AGPAT3: variants seen among roughly 807,000 people sequenced by gnomAD.
AGPAT3 encodes 1-acylglycerol-3-phosphate O-acyltransferase 3.
A neutral mutation model predicts 47.3 loss-of-function variants in AGPAT3; 5 were observed. That is an observed-to-expected ratio of 0.11 (90% CI 0.06 to 0.22). The LOEUF (loss-of-function observed/expected upper bound fraction) is 0.22. AGPAT3 is among the 10% of genes least tolerant of loss of function. The pLI, the probability that AGPAT3 is intolerant of heterozygous loss-of-function variation, is 1.00. For missense variants in AGPAT3, 315 were observed against 493.0 expected (o/e 0.64, Z 3.42); for synonymous variants, 212 against 208.3 (o/e 1.02, Z -0.15).
intron 1 of AGPAT3, among the ~76,000 whole-genome samples, chr21:43,900,726 TG>T (rs1388265138): frequency 2.0e-5 from 3 of 151,858 alleles, no homozygotes; most frequent in Admixed American, 2.0e-4. Flanking sequence ...GTTCACAGGG[TG>T]GGGTGAATCT....
intron 2 of AGPAT3, among the ~76,000 whole-genome samples, chr21:43,945,215 C>T (rs2087831607): frequency 1.3e-5 from 2 of 152,142 alleles, no homozygotes; most frequent in South Asian, 4.1e-4. Flanking sequence ...AAAAAGCCTG[C>T]GATTTGGCCT....
At chr21:43,910,110 G>A (rs1458766263) in intron 2 of AGPAT3, among the ~76,000 whole-genome samples, 1 of 152,224 alleles carries the variant, frequency 6.6e-6, no homozygotes, top group African/African-American at 2.4e-5. Context: ...CTCAAGGAAG[G>A]GGAGCCTGCA....
At chr21:43,928,620 G>A (rs186176754) in intron 2 of AGPAT3, among the ~76,000 whole-genome samples, 132 of 152,330 alleles carry the variant, frequency 8.7e-4, no homozygotes, top group Non-Finnish European at 1.4e-3. Flanking sequence ...TGATACATGC[G>A]CATTTTAGTA....
Position 43,866,127 on chromosome 21 carries a change from T to G in AGPAT3, c.-112+782T>G, listed in dbSNP as rs537657878. On this transcript the variant is annotated intron_variant, in intron 1 of 9. Coordinates refer to ENST00000291572, the MANE Select transcript of AGPAT3 (RefSeq NM_020132.5). ...AGTTAAAAATGGTGCAGTGTTTTTT[T>G]TTTTTTTTTTAACTTTGAGAGAAGT... Among the ~76,000 whole-genome samples, 488 of 151,278 alleles carry G rather than the reference T, an allele frequency of 3.2e-3. 1 individual carries two copies. The highest frequency in any genetic ancestry group is 6.1e-3 in the Non-Finnish European group (410 of 67,690).
At chr21:43,968,364 G>T in intron 4 of AGPAT3, among the ~76,000 whole-genome samples, 1 of 151,172 alleles carries the variant, frequency 6.6e-6, no homozygotes, top group African/African-American at 2.4e-5. Flanking sequence ...CCTTCCAGGG[G>T]AGGTGCTGGG....
chr21:43,975,105 T>C (rs2089556858), intron 7 of AGPAT3, among the ~76,000 whole-genome samples: 2 of 151,906 alleles, frequency 1.3e-5, no homozygotes. Context: ...CATGTGCCAG[T>C]GTGTGCACTG....
chr21:43,896,095 G>T (rs865817168), intron 1 of AGPAT3, among the ~76,000 whole-genome samples: 3 of 152,142 alleles, frequency 2.0e-5, no homozygotes, highest in Middle Eastern at 3.4e-3. Context: ...GTAGAGATGG[G>T]GTTTCACCAT....
intron 1 of AGPAT3, among the ~76,000 whole-genome samples, chr21:43,890,159 T>G (rs1419417880): frequency 6.6e-6 from 1 of 152,184 alleles, no homozygotes; most frequent in Non-Finnish European, 1.5e-5. Flanking sequence ...TCTCATAGTT[T>G]AACACCGTCC....
At chr21:43,898,341 A>G (rs1192970760) in intron 1 of AGPAT3, among the ~76,000 whole-genome samples, 1 of 151,224 alleles carries the variant, frequency 6.6e-6, no homozygotes, top group East Asian at 1.9e-4. Flanking sequence ...TGATCCTTTC[A>G]TTTTCTGCCC....
intron 1 of AGPAT3, among the ~76,000 whole-genome samples, chr21:43,881,989 A>G (rs1344057384): frequency 6.6e-6 from 1 of 152,220 alleles, no homozygotes; most frequent in Non-Finnish European, 1.5e-5. Context: ...ATTTCTTTTT[A>G]CTTTTGAATG....
chr21:43,976,278 G>C (rs981117318), intron 7 of AGPAT3, among the ~76,000 whole-genome samples: 3 of 152,086 alleles, frequency 2.0e-5, no homozygotes, highest in Non-Finnish European at 4.4e-5. Flanking sequence ...TGTTGGTCAG[G>C]CTGGTCTCGA....
At chr21:43,885,280 G>A (rs1275526563) in intron 1 of AGPAT3, among the ~76,000 whole-genome samples, 2 of 152,370 alleles carry the variant, frequency 1.3e-5, no homozygotes, top group East Asian at 3.9e-4. Context: ...TGATGCAGAC[G>A]CGGAGACTCA....
chr21:43,963,007 A>C (rs1411948578), intron 3 of AGPAT3, among the ~76,000 whole-genome samples: 1 of 152,200 alleles, frequency 6.6e-6, no homozygotes, highest in Non-Finnish European at 1.5e-5. Context: ...AGATACAGTT[A>C]ATGAGAATGG....
chr21:43,978,287 G>A (rs1014220562), intron 8 of AGPAT3, among the ~76,000 whole-genome samples, 166 bp downstream of exon 8: 1 of 152,090 alleles, frequency 6.6e-6, no homozygotes, highest in African/African-American at 2.4e-5. Flanking sequence ...CTGTTGTTTT[G>A]TTTTGTTTTT....
chr21:43,944,776 GA>G (rs1244755640), intron 2 of AGPAT3, among the ~76,000 whole-genome samples: 3 of 152,226 alleles, frequency 2.0e-5, no homozygotes, highest in African/African-American at 7.2e-5. Flanking sequence ...AGCCCAGGAG[GA>G]GGTCAATACA....
intron 1 of AGPAT3, among the ~76,000 whole-genome samples, chr21:43,866,094 T>G (rs1228957995): frequency 1.3e-5 from 2 of 150,244 alleles, no homozygotes; most frequent in Admixed American, 1.3e-4. Context: ...TTATTAGTAT[T>G]TGAAGGCAGT....
At chr21:43,959,894 G>A (rs1353129904) in intron 3 of AGPAT3, 35 bp downstream of exon 3, 1 of 1,568,794 alleles carries the variant, frequency 6.4e-7, no homozygotes, top group East Asian at 2.3e-5. Context: ...TGCCGCCTGG[G>A]GCTCCCGTGG....
At chr21:43,944,250 C>T (rs965113416) in intron 2 of AGPAT3, among the ~76,000 whole-genome samples, 1 of 152,272 alleles carries the variant, frequency 6.6e-6, no homozygotes, top group Non-Finnish European at 1.5e-5. Context: ...CACTCTGGAG[C>T]GATGGCTATT....
intron 2 of AGPAT3, among the ~76,000 whole-genome samples, chr21:43,907,688 G>T (rs1365941178): frequency 6.6e-6 from 1 of 152,194 alleles, no homozygotes; most frequent in Non-Finnish European, 1.5e-5. Context: ...CTGCACTCCA[G>T]CCTGGGCGAC....
Sources: gnomAD v4.1 joint callset for allele counts (sites outside exome capture counted in the v4.1 genomes callset) on GRCh38, gnomAD v4.1.1 for gene constraint, MANE v1.5 for transcripts, NCBI Gene and HGNC (gene_info 2026-07-23, HGNC 2026-07-21) for gene names.